Variants in FOXO3 observed in about 807,000 individuals in gnomAD.
FOXO3 encodes forkhead box protein O3.
Under a neutral mutation model 41.9 loss-of-function variants are expected in FOXO3, and 4 were observed. That is an observed-to-expected ratio of 0.10 (90% CI 0.05 to 0.22). FOXO3 has a LOEUF of 0.22. FOXO3 is among the 10% of genes least tolerant of loss of function. The pLI is 1.00. For synonymous variants in FOXO3, 318 were observed against 389.3 expected (o/e 0.82, Z 2.16); for missense variants, 534 against 906.8 (o/e 0.59, Z 5.28).
intron 1 of FOXO3, among the ~76,000 whole-genome samples, chr6:108,609,187 G>A (rs1408312743): frequency 6.6e-6 from 1 of 152,222 alleles, no homozygotes; most frequent in Non-Finnish European, 1.5e-5. Flanking sequence ...GGTAAGCTGA[G>A]TAAATGGATT....
chr6:108,621,131 A>G (rs1562247439), intron 1 of FOXO3, among the ~76,000 whole-genome samples: 1 of 152,250 alleles, frequency 6.6e-6, no homozygotes, highest in Non-Finnish European at 1.5e-5. Context: ...AATAGAGTGT[A>G]TAATTGGGCA....
intron 1 of FOXO3, among the ~76,000 whole-genome samples, chr6:108,583,884 T>G (rs1776502295): frequency 6.6e-6 from 1 of 152,238 alleles, no homozygotes; most frequent in Non-Finnish European, 1.5e-5. Flanking sequence ...GCACATTTTC[T>G]GAGTATAATT....
chr6:108,655,107 A>G (rs554882276), intron 1 of FOXO3, among the ~76,000 whole-genome samples: 1 of 152,268 alleles, frequency 6.6e-6, no homozygotes, highest in African/African-American at 2.4e-5. Context: ...GGCTATATCA[A>G]TTCCTAGTTT....
intron 1 of FOXO3, among the ~76,000 whole-genome samples, chr6:108,612,680 C>CAA (rs1191517507): frequency 7.0e-6 from 1 of 143,246 alleles, no homozygotes; most frequent in African/African-American, 2.6e-5. Context: ...AACTCTGTCT[C>CAA]AAAAAAAAAA....
At chr6:108,566,422 A>C (rs1272118001) in intron 1 of FOXO3, among the ~76,000 whole-genome samples, 1 of 152,206 alleles carries the variant, frequency 6.6e-6, no homozygotes, top group African/African-American at 2.4e-5. Context: ...ATTAATGAAG[A>C]GGCCTTGTCT....
At chr6:108,614,143 A>G (rs1379398637) in intron 1 of FOXO3, among the ~76,000 whole-genome samples, 1 of 152,052 alleles carries the variant, frequency 6.6e-6, no homozygotes, top group African/African-American at 2.4e-5. Flanking sequence ...ATCTTATTGA[A>G]TGTTTTCCAT....
At chr6:108,657,200 G>A (rs925886650) in intron 1 of FOXO3, among the ~76,000 whole-genome samples, 7 of 152,218 alleles carry the variant, frequency 4.6e-5, no homozygotes, top group African/African-American at 1.4e-4. Context: ...ACTCTCTTTA[G>A]ACACATTGTG....
At chr6:108,649,587 T>C (rs920742169) in intron 1 of FOXO3, among the ~76,000 whole-genome samples, 4 of 139,290 alleles carry the variant, frequency 2.9e-5, no homozygotes, top group Non-Finnish European at 6.1e-5. Flanking sequence ...TGCAGTGACA[T>C]GATCTTGGCT....
intron 1 of FOXO3, among the ~76,000 whole-genome samples, chr6:108,575,982 G>T (rs974729063): frequency 6.6e-6 from 1 of 152,160 alleles, no homozygotes; most frequent in Admixed American, 6.5e-5. Context: ...AATGTCATAG[G>T]CCTGATTATT....
Position 108,560,928 on chromosome 6 carries a change from C to T in FOXO3, c.-281C>T, listed in dbSNP as rs1582719715. Reference sequence around the variant, plus strand: ...CCTGGCCGGGGGGCGGTGTCTGCTGCGCCAGGTTCGCTGGCCGCACGTCTT... The same window carrying T: ...CCTGGCCGGGGGGCGGTGTCTGCTGTGCCAGGTTCGCTGGCCGCACGTCTT... On this transcript the variant is annotated 5_prime_UTR_variant, in exon 1 of 3. Transcript: ENST00000406360. The T allele has an allele frequency of 2.4e-6, 3 of 1,274,944 alleles. No individual in the cohort carries two copies. The East Asian group carries it at 9.5e-5, about 40-fold the overall frequency. The allele number at this position is 1,274,944 out of a possible 1,614,324, so 79.0% of individuals were successfully genotyped here. A position where few individuals can be genotyped will look rare whatever the true frequency, so the allele number is the denominator to read the frequency against.
intron 1 of FOXO3, among the ~76,000 whole-genome samples, chr6:108,592,849 G>A (rs1017270984): frequency 2.0e-5 from 3 of 152,182 alleles, no homozygotes; most frequent in African/African-American, 7.2e-5. Context: ...AAGAATGGTT[G>A]GTGCACGTGG....
intron 1 of FOXO3, among the ~76,000 whole-genome samples, chr6:108,607,509 A>G (rs904229587): frequency 1.3e-5 from 2 of 151,318 alleles, no homozygotes; most frequent in African/African-American, 4.8e-5. Flanking sequence ...TGCTTCACTG[A>G]TATTTTCTTT....
rs543460488 is a variant in FOXO3 at position 108,660,683 on chromosome 6, CAACA to C, written c.622-2771_622-2768del. Among the ~76,000 whole-genome samples the C allele has an allele frequency of 9.9e-5, 15 of 151,950 alleles. No individual in the cohort carries two copies. In the South Asian group the frequency reaches 2.7e-3, roughly 27 times the overall value. On this transcript the variant is annotated intron_variant, in intron 1 of 2. Coordinates refer to ENST00000406360, the MANE Select transcript of FOXO3 (RefSeq NM_001455.4). ...GTCAGGAGTTTGAGACCAGCCTGGC[CAACA>C]TAGTGAAACCCTGTCTCTAGTTAAA...
chr6:108,609,212 C>T (rs1229422551), intron 1 of FOXO3, among the ~76,000 whole-genome samples: 5 of 152,206 alleles, frequency 3.3e-5, no homozygotes, highest in Admixed American at 6.5e-5. Flanking sequence ...CTAAGCCTTA[C>T]TATTTTTAAC....
Position 108,664,584 on chromosome 6 carries a change from C to A in FOXO3, c.1751C>A (p.Ser584Ter). 1 of 996,156 alleles carries A rather than the reference C, an allele frequency of 1.0e-6. No individual in the cohort carries two copies. Among genetic ancestry groups the A allele is most frequent in the Non-Finnish European group, 1.6e-6 (1 of 625,144 alleles). 61.7% of individuals were successfully genotyped at this position (996,156 alleles called of 1,614,324 possible). Residue 584 changes from serine to a stop codon, truncating the protein, a stop_gained, in exon 2 of 3, where the codon TCG (serine) becomes TAG (stop). Transcript: ENST00000406360. LOFTEE classifies it high-confidence loss of function. ...SPVSQSMQTL[S>*]DSLSGSSLYS... ...GTCAGCCAGTCTATGCAAACCCTCT[C>A]GGACTCTCTCTCAGGCTCCTCCTTG...
At chr6:108,568,450 T>G (rs1011034167) in intron 1 of FOXO3, among the ~76,000 whole-genome samples, 4 of 152,182 alleles carry the variant, frequency 2.6e-5, no homozygotes, top group Non-Finnish European at 5.9e-5. Flanking sequence ...TAAATGCCTT[T>G]TCTTTCAACG....
Position 108,682,368 on chromosome 6 carries a change from G to C in FOXO3, c.*2576G>C, listed in dbSNP as rs2128394747. ...AAAACAGATCAGGAGAATGAAGAGG[G>C]AATGCTTTGGTTTTTTGTTTTGTTT... On this transcript the variant is annotated 3_prime_UTR_variant, in exon 3 of 3. Transcript: ENST00000406360. 6.5e-6 allele frequency: 1 copy of C among 152,784 alleles called. No homozygotes were observed. The highest frequency in any genetic ancestry group is 3.4e-3 in the Middle Eastern group (1 of 294). 9.5% of individuals were successfully genotyped at this position (152,784 alleles called of 1,614,324 possible).
intron 1 of FOXO3, among the ~76,000 whole-genome samples, chr6:108,649,008 T>TAAAAA (rs10612637): frequency 1.3e-5 from 1 of 79,104 alleles, no homozygotes; most frequent in African/African-American, 4.5e-5. Flanking sequence ...ACCTATCTCT[T>TAAAAA]AAAAAAAAAA....
intron 1 of FOXO3, among the ~76,000 whole-genome samples, chr6:108,659,109 T>C (rs558184825): frequency 6.6e-6 from 1 of 152,170 alleles, no homozygotes; most frequent in Non-Finnish European, 1.5e-5. Flanking sequence ...GGTCTTGAAC[T>C]CCTGAGCTCA....
Sources: allele counts gnomAD v4.1 joint callset (sites outside exome capture counted in the v4.1 genomes callset), GRCh38; gene constraint gnomAD v4.1.1; transcripts MANE v1.5; gene names NCBI Gene and HGNC (gene_info 2026-07-23, HGNC 2026-07-21).